CAMKMT: variants seen among roughly 807,000 people sequenced by gnomAD.
CAMKMT encodes CaM KMT.
A neutral mutation model predicts 48.0 loss-of-function variants in CAMKMT; 53 were observed. The ratio of observed to expected loss-of-function variants is 1.10; its 90% CI spans 0.89 to 1.39. The LOEUF is 1.39. Ranked by LOEUF, CAMKMT falls within the 40% of genes most tolerant of loss-of-function variation. The pLI, the probability that CAMKMT is intolerant of heterozygous loss-of-function variation, is 0.00. For missense variants in CAMKMT, 428 were observed against 402.7 expected (o/e 1.06, Z -0.54); for synonymous variants, 165 against 152.3 (o/e 1.08, Z -0.61).
At chr2:44,602,523 C>T (rs1186353861) in intron 3 of CAMKMT, among the ~76,000 whole-genome samples, 2 of 152,054 alleles carry the variant, frequency 1.3e-5, no homozygotes, top group African/African-American at 2.4e-5. Context: ...TGTTCTCACA[C>T]TGCTCTAAAG....
intron 3 of CAMKMT, chr2:44,631,637 T>C (rs1212488767): frequency 4.5e-6 from 2 of 440,880 alleles, no homozygotes; most frequent in East Asian, 7.0e-5. Context: ...TATAGTTGGG[T>C]CTTGGATTTT....
At chr2:44,574,402 C>T (rs908598011) in intron 3 of CAMKMT, among the ~76,000 whole-genome samples, 10 of 152,060 alleles carry the variant, frequency 6.6e-5, no homozygotes, top group African/African-American at 2.4e-4. Flanking sequence ...TAGCCCTAGG[C>T]AGATTTAGGC....
intron 7 of CAMKMT, among the ~76,000 whole-genome samples, chr2:44,718,983 C>A (rs1015481271): frequency 6.6e-6 from 1 of 152,088 alleles, no homozygotes; most frequent in East Asian, 1.9e-4. Context: ...ACTCAGTTTC[C>A]TTTAGAGGTT....
At chr2:44,400,793 T>A (rs769798088) in intron 3 of CAMKMT, 5 of 151,512 alleles carry the variant, frequency 3.3e-5, no homozygotes, top group Non-Finnish European at 7.4e-5. Flanking sequence ...CGAGAAAGCG[T>A]ATTTTTGAAA....
At chr2:44,486,121 C>A (rs573234386) in intron 3 of CAMKMT, among the ~76,000 whole-genome samples, 1 of 152,074 alleles carries the variant, frequency 6.6e-6, no homozygotes, top group Non-Finnish European at 1.5e-5. Flanking sequence ...CGTGCCACCA[C>A]GCCTGGCTAA....
intron 3 of CAMKMT, among the ~76,000 whole-genome samples, chr2:44,569,047 G>A (rs764660987): frequency 2.2e-4 from 33 of 152,232 alleles, no homozygotes; most frequent in East Asian, 7.7e-4. Flanking sequence ...TGGATTGTTC[G>A]GGTTAATGCT....
intron 3 of CAMKMT, among the ~76,000 whole-genome samples, chr2:44,700,300 T>C (rs1677190512): frequency 6.6e-6 from 1 of 152,224 alleles, no homozygotes; most frequent in African/African-American, 2.4e-5. Flanking sequence ...GGCTGTTTTG[T>C]CTTCTTATCA....
At chr2:44,644,578 GAAC>G (rs1326133861) in intron 3 of CAMKMT, among the ~76,000 whole-genome samples, 1 of 152,164 alleles carries the variant, frequency 6.6e-6, no homozygotes, top group East Asian at 1.9e-4. Context: ...CCATGTATGT[GAAC>G]AACAAGGCTG....
chr2:44,525,182 A>G (rs1015907779), intron 3 of CAMKMT, among the ~76,000 whole-genome samples: 5 of 152,216 alleles, frequency 3.3e-5, no homozygotes, highest in Non-Finnish European at 7.3e-5. Context: ...TTATTATTTT[A>G]GAACTGTTCA....
chr2:44,570,628 G>A (rs917095063), intron 3 of CAMKMT, among the ~76,000 whole-genome samples: 14 of 152,270 alleles, frequency 9.2e-5, no homozygotes, highest in African/African-American at 3.4e-4. Flanking sequence ...AACTACTAAT[G>A]TGGTTAGCTA....
At chr2:44,506,614 G>GGGGACTCTAT (rs1670274000) in intron 3 of CAMKMT, among the ~76,000 whole-genome samples, 1 of 152,056 alleles carries the variant, frequency 6.6e-6, no homozygotes, top group African/African-American at 2.4e-5. Flanking sequence ...CTCAATGTAG[G>GGGGACTCTAT]GGGACTCTAT....
chr2:44,734,283 T>C (rs1412311749), intron 7 of CAMKMT, among the ~76,000 whole-genome samples: 3 of 152,174 alleles, frequency 2.0e-5, no homozygotes, highest in Admixed American at 2.0e-4. Context: ...TAATTGTCAG[T>C]TTATGTTTTC....
At chr2:44,362,534 C>G (rs556741151) in intron 1 of CAMKMT, among the ~76,000 whole-genome samples, 1 of 152,298 alleles carries the variant, frequency 6.6e-6, no homozygotes, top group East Asian at 1.9e-4. Flanking sequence ...AACTCCCAGC[C>G]TGGTTCGAGT....
At chr2:44,592,514 A>C (rs1321070494) in intron 3 of CAMKMT, among the ~76,000 whole-genome samples, 2 of 152,178 alleles carry the variant, frequency 1.3e-5, no homozygotes, top group Non-Finnish European at 2.9e-5. Context: ...GCTTGGGTTC[A>C]AGTAACCCTT....
At chr2:44,496,214 T>C (rs2104727348) in intron 3 of CAMKMT, among the ~76,000 whole-genome samples, 1 of 152,372 alleles carries the variant, frequency 6.6e-6, no homozygotes, top group East Asian at 1.9e-4. Context: ...ACTTTTCCTC[T>C]GGAATAAATC....
intron 3 of CAMKMT, among the ~76,000 whole-genome samples, chr2:44,574,464 G>C (rs1398331089): frequency 6.6e-6 from 1 of 152,124 alleles, no homozygotes; most frequent in Non-Finnish European, 1.5e-5. Flanking sequence ...AGATGGTTGG[G>C]GATGTGTGGT....
At chr2:44,523,937 C>A (rs1341044629) in intron 3 of CAMKMT, among the ~76,000 whole-genome samples, 1 of 151,344 alleles carries the variant, frequency 6.6e-6, no homozygotes, top group Non-Finnish European at 1.5e-5. Flanking sequence ...ACCACCATGC[C>A]CAGCTAATTT....
At chr2:44,402,715 T>C (rs1245623877) in intron 3 of CAMKMT, among the ~76,000 whole-genome samples, 1 of 150,282 alleles carries the variant, frequency 6.7e-6, no homozygotes, top group Non-Finnish European at 1.5e-5. Flanking sequence ...AGTTCTCTAA[T>C]TATCTTTTCA....
intron 9 of CAMKMT, among the ~76,000 whole-genome samples, chr2:44,758,478 C>T (rs1252464202): frequency 6.6e-6 from 1 of 152,162 alleles, no homozygotes; most frequent in Non-Finnish European, 1.5e-5. Context: ...TTGTTACCAC[C>T]TGAAATGCAG....
Sources: allele counts gnomAD v4.1 joint callset (sites outside exome capture counted in the v4.1 genomes callset), GRCh38; gene constraint gnomAD v4.1.1; transcripts MANE v1.5; gene names NCBI Gene and HGNC (gene_info 2026-07-23, HGNC 2026-07-21).